MGAT5B: variants seen among roughly 807,000 people sequenced by gnomAD.
MGAT5B encodes the protein N-acetylglucosaminyl-transferase Vb.
In MGAT5B, 54 loss-of-function variants were observed where a neutral mutation model predicts 95.1. That is an observed-to-expected ratio of 0.57 (90% CI 0.46 to 0.71). MGAT5B has a LOEUF of 0.71. MGAT5B is among the 30% of genes least tolerant of loss of function. MGAT5B has a pLI of 0.00. For synonymous variants in MGAT5B, 464 were observed against 451.0 expected (o/e 1.03, Z -0.36); for missense variants, 935 against 1,088.6 (o/e 0.86, Z 1.99).
At position 76,902,635 on chromosome 17, in the gene MGAT5B, A is replaced by G; in HGVS notation, c.410A>G (p.Gln137Arg). The change falls in exon 4 of 18, where the codon CAG (glutamine) becomes CGG (arginine). Residue 137 changes from glutamine to arginine, a missense_variant. Gln to Arg is a conservative substitution (Grantham distance 43). Transcript: ENST00000569840. ...TCCGACATCGCTGTGAAGGTGGACC[A>G]GATCCTGCGCCACAGTCTGCTCCTG... ...NVSDIAVKVD[Q>R]ILRHSLLLHS... The G allele has an allele frequency of 6.2e-7, 1 of 1,600,024 alleles. No homozygotes were observed. The highest frequency in any genetic ancestry group is 8.5e-7 in the Non-Finnish European group (1 of 1,172,972).
intron 4 of MGAT5B, among the ~76,000 whole-genome samples, 178 bp downstream of exon 4, chr17:76,902,848 T>C (rs7502593): frequency 0.62 from 93,856 of 151,958 alleles, 32,444 homozygotes; most frequent in East Asian, 1. Context: ...GTTCACTCCC[T>C]CGACCCGGCA....
Position 76,949,188 on chromosome 17 carries a change from G to C in MGAT5B, c.*350G>C, listed in dbSNP as rs1212874782. 7.9e-5 allele frequency: 22 copies of C among 279,292 alleles called. No individual in the cohort carries two copies. The highest frequency in any genetic ancestry group is 6.8e-6 in the Non-Finnish European group (1 of 146,950). 17.3% of individuals were successfully genotyped at this position (279,292 alleles called of 1,614,324 possible). On this transcript the variant is annotated 3_prime_UTR_variant, in exon 18 of 18. Coordinates refer to ENST00000569840, the MANE Select transcript of MGAT5B (RefSeq NM_001199172.2). Reference sequence around the variant, plus strand: ...CGGATCTGGGCCAGGTGGCGAAAGGGGCCCAGTCGTTCTTGGGCCCAGGAT... The same window carrying C: ...CGGATCTGGGCCAGGTGGCGAAAGGCGCCCAGTCGTTCTTGGGCCCAGGAT...
intron 10 of MGAT5B, 50 bp from the exon 11 acceptor site, chr17:76,932,595 T>A (rs375759085): frequency 1.9e-6 from 3 of 1,606,370 alleles, no homozygotes; most frequent in East Asian, 2.3e-5. Context: ...GGCCTGGGGC[T>A]GCCCTTGGTT....
chr17:76,899,016 A>G (rs1390373047), intron 3 of MGAT5B, among the ~76,000 whole-genome samples: 1 of 152,042 alleles, frequency 6.6e-6, no homozygotes, highest in Non-Finnish European at 1.5e-5. Context: ...TCACAACCAC[A>G]CCCACCGTGG....
In MGAT5B at chr17:76,947,942, C is replaced by T; in HGVS notation, c.2036C>T (p.Ala679Val). 6.2e-7 allele frequency: 1 copy of T among 1,612,880 alleles called. No individual in the cohort carries two copies. The highest frequency in any genetic ancestry group is 2.2e-5 in the East Asian group (1 of 44,852). ...GAGTGGGCTCGGAACACCAGCTTGG[C>T]TCCTGGGGCCTGGCCCCCCGCGCAC... The part of the protein sequence containing the change: ...HLEWARNTSL[A>V]PGAWPPAHAL... The change falls in exon 17 of 18, where the codon GCT becomes GTT. Residue 679 changes from alanine (A) to valine (V), a missense_variant. Coordinates refer to ENST00000569840, the MANE Select transcript of MGAT5B (RefSeq NM_001199172.2).
intron 8 of MGAT5B, among the ~76,000 whole-genome samples, chr17:76,922,399 G>A (rs1290142905): frequency 6.6e-6 from 1 of 152,224 alleles, no homozygotes; most frequent in Non-Finnish European, 1.5e-5. Flanking sequence ...TTGGGGAGGT[G>A]AGGAAGAGGG....
In MGAT5B at chr17:76,868,986, C is replaced by T; in HGVS notation, c.-44C>T. ...GGCGAGAGCTGGGCCCAGGACGGTG[C>T]GTCCGGCCTCGCCCGCGGCTGCTCG... On this transcript the variant is annotated 5_prime_UTR_variant, in exon 1 of 18. Coordinates refer to ENST00000569840, the MANE Select transcript of MGAT5B (RefSeq NM_001199172.2). The surrounding 1 kb of genome is among the most constrained non-coding windows in gnomAD (Gnocchi z 6.3). The T allele has an allele frequency of 1.9e-6, 3 of 1,585,900 alleles. No homozygotes were observed. The highest frequency in any genetic ancestry group is 2.2e-5 in the East Asian group (1 of 44,680).
intron 8 of MGAT5B, among the ~76,000 whole-genome samples, chr17:76,922,467 T>G: frequency 6.6e-6 from 1 of 152,336 alleles, no homozygotes; most frequent in East Asian, 1.9e-4. Flanking sequence ...TCAGTTTTAC[T>G]GGAGGAGTTT....
intron 4 of MGAT5B, 66 bp downstream of exon 4, chr17:76,902,736 C>G: frequency 1.8e-6 from 2 of 1,140,474 alleles, no homozygotes; most frequent in Non-Finnish European, 2.5e-6. Context: ...GCTGGGTGGG[C>G]CCTGGGAGGG....
At position 76,870,370 on chromosome 17, in the gene MGAT5B, C is replaced by G. The variant is rs1018095247; in HGVS notation, c.68+1273C>G. Among the ~76,000 whole-genome samples the G allele has an allele frequency of 6.6e-6, 1 of 152,088 alleles. No individual in the cohort carries two copies. Among genetic ancestry groups the G allele is most frequent in the South Asian group, 2.1e-4 (1 of 4,822 alleles). On this transcript the variant is annotated intron_variant, in intron 1 of 17. Coordinates refer to ENST00000569840, the MANE Select transcript of MGAT5B (RefSeq NM_001199172.2). The surrounding 1 kb of genome is among the most constrained non-coding windows in gnomAD (Gnocchi z 5.0). Reference sequence around the variant, plus strand: ...TGGGTGGTGATGGGGGCGTCGGGAGCCCATGGGAAGCAGGGCGGGAAGCAG... The same window carrying G: ...TGGGTGGTGATGGGGGCGTCGGGAGGCCATGGGAAGCAGGGCGGGAAGCAG...
chr17:76,890,382 C>G (rs1303814881), intron 3 of MGAT5B, among the ~76,000 whole-genome samples: 2 of 152,234 alleles, frequency 1.3e-5, no homozygotes, highest in Admixed American at 6.5e-5. Flanking sequence ...ATCATTAAAA[C>G]TAGGTATGTG....
In MGAT5B at chr17:76,917,622, G is replaced by T. The variant is rs1968983318; in HGVS notation, c.1026-7344G>T. Reference sequence around the variant, plus strand: ...TATCCGAATCCAGGATGCAGGGGCTGCGTCTTAGCTTTTGGCCCTCATCTC... The same window carrying T: ...TATCCGAATCCAGGATGCAGGGGCTTCGTCTTAGCTTTTGGCCCTCATCTC... On this transcript the variant is annotated intron_variant, in intron 8 of 17. Coordinates refer to ENST00000569840, the MANE Select transcript of MGAT5B (RefSeq NM_001199172.2). This position sits in a 1 kb window ranked among gnomAD's most constrained non-coding sequence, Gnocchi z 6.1. 1.3e-5 allele frequency among the ~76,000 whole-genome samples: 2 copies of T among 152,150 alleles called. No homozygotes were observed.
intron 11 of MGAT5B, 64 bp downstream of exon 11, chr17:76,932,839 C>G: frequency 6.3e-7 from 1 of 1,582,074 alleles, no homozygotes; most frequent in Non-Finnish European, 8.6e-7. Context: ...GCCTGGGTCC[C>G]GCATCTCCTC....
intron 3 of MGAT5B, among the ~76,000 whole-genome samples, chr17:76,896,794 C>T (rs892535994): frequency 6.6e-6 from 1 of 152,164 alleles, no homozygotes; most frequent in African/African-American, 2.4e-5. Context: ...TCAAGGACAT[C>T]CCTTGATTTC....
Position 76,870,541 on chromosome 17 carries a change from G to A in MGAT5B, c.68+1444G>A, listed in dbSNP as rs2145105030. Among the ~76,000 whole-genome samples the A allele has an allele frequency of 6.6e-6, 1 of 152,326 alleles. No homozygotes were observed. The highest frequency in any genetic ancestry group is 1.5e-5 in the Non-Finnish European group (1 of 68,014). The stretch of plus-strand genomic sequence containing the variant: ...GTGTTTCCTGGCGCGATTGGAAGCA[G>A]CCGCGAGACCCCAGCACCACGGACA... On this transcript the variant is annotated intron_variant, in intron 1 of 17. Transcript: ENST00000569840. This position sits in a 1 kb window ranked among gnomAD's most constrained non-coding sequence, Gnocchi z 5.0.
rs981430617 is a variant in MGAT5B, at chr17:76,916,309, G to A, written c.1026-8657G>A. ...GGGAGTCTGTTTCTTGCAAGTCAAGGCCCCCCGGCCAAGTCTGAACATTGA... is the reference window on the plus strand; with the variant it reads ...GGGAGTCTGTTTCTTGCAAGTCAAGACCCCCCGGCCAAGTCTGAACATTGA... On this transcript the variant is annotated intron_variant, in intron 8 of 17. Transcript: ENST00000569840. The surrounding 1 kb of genome is among the most constrained non-coding windows in gnomAD (Gnocchi z 5.3). Among the ~76,000 whole-genome samples the A allele has an allele frequency of 1.6e-4, 24 of 152,320 alleles. No homozygotes were observed. Among genetic ancestry groups the A allele is most frequent in the Non-Finnish European group, 5.9e-5 (4 of 68,030 alleles).
Position 76,905,719 on chromosome 17 carries a change from C to T in MGAT5B, c.856-299C>T, listed in dbSNP as rs1233305649. 6.7e-6 allele frequency among the ~76,000 whole-genome samples: 1 copy of T among 148,390 alleles called. No individual in the cohort carries two copies. Among genetic ancestry groups the T allele is most frequent in the East Asian group, 2.1e-4 (1 of 4,738 alleles). On this transcript the variant is annotated intron_variant, in intron 7 of 17. Transcript: ENST00000569840. This position sits in a 1 kb window ranked among gnomAD's most constrained non-coding sequence, Gnocchi z 4.2. ...CCAGTAGATATTTACGTGGCTCTCA[C>T]ATTGCCCTTTTATTTCTTTCAGAGC...
At position 76,947,886 on chromosome 17, in the gene MGAT5B, C is replaced by T; in HGVS notation, c.1980C>T (p.Pro660=). The T allele has an allele frequency of 6.2e-7, 1 of 1,612,658 alleles. No homozygotes were observed. The highest frequency in any genetic ancestry group is 8.5e-7 in the Non-Finnish European group (1 of 1,179,090). ...ALPEAHAPQS[P]FVLAPNATHL... is the part of the protein sequence containing the mutation. ...CAGAGGCCCACGCCCCGCAGAGCCCCTTTGTCCTGGCCCCCAATGCCACCC... is the reference window on the plus strand; with the variant it reads ...CAGAGGCCCACGCCCCGCAGAGCCCTTTTGTCCTGGCCCCCAATGCCACCC... The change falls in exon 17 of 18, where the codon CCC becomes CCT. Residue 660 remains proline, a synonymous_variant. Coordinates refer to ENST00000569840, the MANE Select transcript of MGAT5B (RefSeq NM_001199172.2).
chr17:76,898,551 C>T (rs1310995418), intron 3 of MGAT5B, among the ~76,000 whole-genome samples: 1 of 152,054 alleles, frequency 6.6e-6, no homozygotes, highest in East Asian at 1.9e-4. Flanking sequence ...GATCCACCCT[C>T]CTTGGCCTCC....
Sources: allele counts gnomAD v4.1 joint callset (sites outside exome capture counted in the v4.1 genomes callset), GRCh38; gene constraint gnomAD v4.1.1; non-coding constraint Gnocchi (gnomAD v3.1); transcripts MANE v1.5; gene names NCBI Gene and HGNC (gene_info 2026-07-23, HGNC 2026-07-21).